The following GGCT variants were observed in gnomAD, a reference collection of about 807,000 sequenced individuals.
The protein encoded by GGCT is cytochrome c-releasing factor 21.
Under a neutral mutation model 22.1 loss-of-function variants are expected in GGCT, and 20 were observed. The ratio of observed to expected loss-of-function variants is 0.91; its 90% CI spans 0.64 to 1.32. The LOEUF is 1.32. Among genes scored for constraint, GGCT ranks in the 40% most tolerant of loss-of-function variants. The probability of loss-of-function intolerance (pLI) is 0.00; values close to 1 mark genes in which losing one functional copy is unlikely to be tolerated. For synonymous variants in GGCT, 72 were observed against 78.4 expected, an observed-to-expected ratio of 0.92 and a Z score of 0.43; for missense variants, 209 against 223.5, an observed-to-expected ratio of 0.94 and a Z score of 0.41.
chr7:30,497,591 G>A, intron 3 of GGCT: 1 of 434,276 alleles, frequency 2.3e-6, no homozygotes. Context: ...AGCAGTTTCG[G>A]TTACAACGCC....
intron 2 of GGCT, among the ~76,000 whole-genome samples, chr7:30,500,252 G>A (rs1789668473): frequency 6.6e-6 from 1 of 152,112 alleles, no homozygotes; most frequent in Non-Finnish European, 1.5e-5. Flanking sequence ...TTCACAGTAT[G>A]AAACTATAAA....
At chr7:30,501,576 CAG>C (rs1411616238) in intron 1 of GGCT, among the ~76,000 whole-genome samples, 1 of 152,104 alleles carries the variant, frequency 6.6e-6, no homozygotes, top group Admixed American at 6.5e-5. Flanking sequence ...GGTGGGCAAT[CAG>C]GGGATAGAGT....
At position 30,499,244 on chromosome 7, in the gene GGCT, C is replaced by T. The variant is rs533876386; in HGVS notation, c.288-306G>A. ...CCAACATGGTGAAACGCCATCTCCACTAAAATACAAAAATTAGCCGGGCGT... is the reference window on the plus strand; with the variant it reads ...CCAACATGGTGAAACGCCATCTCCATTAAAATACAAAAATTAGCCGGGCGT... On this transcript the variant is annotated intron_variant, in intron 2 of 3. Transcript: ENST00000275428. 6.6e-5 allele frequency among the ~76,000 whole-genome samples: 10 copies of T among 151,734 alleles called. No homozygotes were observed. The South Asian group carries it at 2.1e-3, about 32-fold the overall frequency.
At position 30,497,757 on chromosome 7, in the gene GGCT, G is replaced by T. The variant is rs1041115231; in HGVS notation, c.424-522C>A. The T allele has an allele frequency of 1.3e-5, 19 of 1,436,786 alleles. No individual in the cohort carries two copies. In the African/African-American group the frequency reaches 2.7e-4, roughly 21 times the overall value. 89.0% of individuals were successfully genotyped at this position (1,436,786 alleles called of 1,614,324 possible). A position where few individuals can be genotyped will look rare whatever the true frequency, so the allele number is the denominator to read the frequency against. On this transcript the variant is annotated intron_variant, in intron 3 of 3. Coordinates refer to ENST00000275428, the MANE Select transcript of GGCT (RefSeq NM_024051.4). ...CCAGATTACCTATTACAGGTGCCAT[G>T]ACCTGATTGGGCCTGCCAACAGAGA...
At chr7:30,499,388 C>T (rs759103840) in intron 2 of GGCT, among the ~76,000 whole-genome samples, 21 of 144,020 alleles carry the variant, frequency 1.5e-4, no homozygotes, top group Non-Finnish European at 2.9e-4. Flanking sequence ...GGCTGGGAGA[C>T]AGCAAGACTC....
Position 30,504,635 on chromosome 7 carries a change from G to A in GGCT, c.75C>T (p.Asn25=), listed in dbSNP as rs1213171176. Residue 25 remains asparagine, a synonymous_variant, in exon 1 of 4, where the codon AAC becomes AAT. Coordinates refer to ENST00000275428, the MANE Select transcript of GGCT (RefSeq NM_024051.4). ...GGAGGTGGATCCTCTCTGTCAGCAGGTTGCTGCCGTAGGCAAAGTACAGAA... is the reference window on the plus strand; with the variant it reads ...GGAGGTGGATCCTCTCTGTCAGCAGATTGCTGCCGTAGGCAAAGTACAGAA... The part of the protein sequence containing the change: ...ESFLYFAYGS[N]LLTERIHLRN... The A allele has an allele frequency of 2.5e-6, 4 of 1,614,094 alleles. No individual in the cohort carries two copies. Among genetic ancestry groups the A allele is most frequent in the Non-Finnish European group, 2.5e-6 (3 of 1,179,912 alleles).
chr7:30,497,724 C>T (rs749488114), intron 3 of GGCT: 123 of 1,337,634 alleles, frequency 9.2e-5, no homozygotes, highest in Middle Eastern at 1.9e-4. Flanking sequence ...CCAAACGAGG[C>T]CTAGGAACCA....
At chr7:30,500,275 A>G (rs1006217448) in intron 2 of GGCT, among the ~76,000 whole-genome samples, 1 of 152,242 alleles carries the variant, frequency 6.6e-6, no homozygotes, top group African/African-American at 2.4e-5. Flanking sequence ...AAAATTATGA[A>G]AGACAATAGA....
chr7:30,498,992 A>C, intron 2 of GGCT, 54 bp from the exon 3 acceptor site: 5 of 1,556,816 alleles, frequency 3.2e-6, no homozygotes, highest in South Asian at 1.1e-5. Context: ...AATTTAGCTC[A>C]CTGGGTAAGG....
At chr7:30,500,745 T>A in intron 1 of GGCT, 64 bp from the exon 2 acceptor site, 2 of 1,382,188 alleles carry the variant, frequency 1.4e-6, no homozygotes, top group Admixed American at 1.9e-5. Flanking sequence ...CTCATCAAAA[T>A]AAAAAGGATT....
At chr7:30,504,015 G>A (rs544629962) in intron 1 of GGCT, among the ~76,000 whole-genome samples, 2 of 152,124 alleles carry the variant, frequency 1.3e-5, no homozygotes, top group Non-Finnish European at 2.9e-5. Context: ...TGTACTAAAT[G>A]AATGAATGGA....
intron 2 of GGCT, 82 bp downstream of exon 2, chr7:30,500,454 A>G: frequency 8.8e-7 from 1 of 1,131,126 alleles, no homozygotes. Context: ...GTTTTGAAAA[A>G]CTAACACACA....
At position 30,504,494 on chromosome 7, in the gene GGCT, G is replaced by T. The variant is rs928907900; in HGVS notation, c.141+75C>A. 7 of 1,544,010 alleles carry T rather than the reference G, an allele frequency of 4.5e-6. No individual in the cohort carries two copies. In the East Asian group the frequency reaches 1.6e-4, roughly 35 times the overall value. On this transcript the variant is annotated intron_variant, in intron 1 of 3. Coordinates refer to ENST00000275428, the MANE Select transcript of GGCT (RefSeq NM_024051.4). Reference sequence around the variant, plus strand: ...AAGAACTGCATTCCTGGCCCGATCGGCCACGTGTGCCCCCGAGGAAGCGCC... The same window carrying T: ...AAGAACTGCATTCCTGGCCCGATCGTCCACGTGTGCCCCCGAGGAAGCGCC...
intron 3 of GGCT, chr7:30,497,635 G>A (rs1449650285): frequency 1.8e-6 from 1 of 551,464 alleles, no homozygotes; most frequent in Non-Finnish European, 2.8e-6. Flanking sequence ...GGACATGGGG[G>A]AATAAATGGC....
intron 2 of GGCT, 70 bp downstream of exon 2, chr7:30,500,466 G>A (rs2128123925): frequency 8.0e-7 from 1 of 1,245,380 alleles, no homozygotes; most frequent in Non-Finnish European, 1.2e-6. Context: ...TAACACACAG[G>A]TACACATCCT....
intron 1 of GGCT, among the ~76,000 whole-genome samples, chr7:30,504,069 T>C (rs189111090): frequency 3.5e-4 from 53 of 152,306 alleles, no homozygotes; most frequent in Admixed American, 1.2e-3. Flanking sequence ...TTATAGTTCA[T>C]GCAGCCCCTT....
At chr7:30,497,887 C>T in intron 3 of GGCT, 1 of 1,436,148 alleles carries the variant, frequency 7.0e-7, no homozygotes. Context: ...TGTGACGTTT[C>T]TTTCTCCACC....
chr7:30,504,618 A>G lies in GGCT; in HGVS notation c.92T>C (p.Ile31Thr). The G allele has an allele frequency of 6.2e-7, 1 of 1,614,112 alleles. No individual in the cohort carries two copies. The highest frequency in any genetic ancestry group is 8.5e-7 in the Non-Finnish European group (1 of 1,179,978). The part of the protein sequence containing the change: ...AYGSNLLTER[I>T]HLRNPSAAFF... ...CGCCGCCGAGGGGTTTCGGAGGTGGATCCTCTCTGTCAGCAGGTTGCTGCC... is the reference window on the plus strand; with the variant it reads ...CGCCGCCGAGGGGTTTCGGAGGTGGGTCCTCTCTGTCAGCAGGTTGCTGCC... Residue 31 changes from isoleucine (I) to threonine (T), a missense_variant, in exon 1 of 4, where the codon ATC (isoleucine) becomes ACC (threonine). Physicochemically the swap from Ile to Thr is moderately conservative, Grantham distance 89 (BLOSUM62 -1). Transcript: ENST00000275428.
chr7:30,496,881 T>G lies in GGCT; in HGVS notation c.*211A>C. On this transcript the variant is annotated 3_prime_UTR_variant, in exon 4 of 4. Transcript: ENST00000275428. ...GTACTCACATTCATTTGTCACATAT[T>G]TCAGGCCCTCATACACCCCTTTTAA... The G allele has an allele frequency of 2.8e-6, 1 of 359,824 alleles. No homozygotes were observed. The highest frequency in any genetic ancestry group is 7.8e-5 in the South Asian group (1 of 12,770). The allele number at this position is 359,824 out of a possible 1,614,324, so 22.3% of individuals were successfully genotyped here. A position where few individuals can be genotyped will look rare whatever the true frequency, so the allele number is the denominator to read the frequency against.
Sources: gnomAD v4.1 joint callset for allele counts (sites outside exome capture counted in the v4.1 genomes callset) on GRCh38, gnomAD v4.1.1 for gene constraint, MANE v1.5 for transcripts, NCBI Gene and HGNC (gene_info 2026-07-23, HGNC 2026-07-21) for gene names.